HERPUD1: variants seen among roughly 807,000 people sequenced by gnomAD.
HERPUD1 encodes homocysteine-responsive endoplasmic reticulum-resident ubiquitin-like domain member 1 protein.
HERPUD1 carries 17 observed loss-of-function variants against 45.0 expected under a neutral mutation model. The observed-to-expected ratio is 0.38, with a 90% CI of 0.26 to 0.57. The LOEUF (loss-of-function observed/expected upper bound fraction) is 0.57, where lower values mean the gene tolerates loss of function less well. Ranked by LOEUF, HERPUD1 falls within the 20% of genes least tolerant of loss-of-function variation. The probability of loss-of-function intolerance (pLI) is 0.72; values close to 1 mark genes in which losing one functional copy is unlikely to be tolerated. For missense variants in HERPUD1, 420 were observed against 490.5 expected (o/e 0.86, Z 1.36); for synonymous variants, 164 against 177.5 (o/e 0.92, Z 0.61).
intron 1 of HERPUD1, 80 bp downstream of exon 1, chr16:56,932,471 C>T (rs2055833777): frequency 7.9e-7 from 1 of 1,258,590 alleles, no homozygotes. Flanking sequence ...GCTGCCCTGT[C>T]CTGTGGCCTC....
At chr16:56,933,161 G>C (rs1421356560) in intron 1 of HERPUD1, 1 of 423,336 alleles carries the variant, frequency 2.4e-6, no homozygotes, top group Non-Finnish European at 4.7e-6. Flanking sequence ...CTGATATTAT[G>C]TAAGTGTCAG....
rs771100509 is a variant in HERPUD1, at chr16:56,935,317, A to C, written c.225+5A>C. On this transcript the variant is annotated splice_donor_5th_base_variant and intron_variant, in intron 2 of 7. Coordinates refer to ENST00000439977, the MANE Select transcript of HERPUD1 (RefSeq NM_014685.4). ...CTCAGGGACTTGCTTCCAAAGGTACATCACTTACACATTAACTTCTGAATG... is the reference window on the plus strand; with the variant it reads ...CTCAGGGACTTGCTTCCAAAGGTACCTCACTTACACATTAACTTCTGAATG... 6.2e-7 allele frequency: 1 copy of C among 1,613,292 alleles called. No homozygotes were observed. The highest frequency in any genetic ancestry group is 1.7e-5 in the Admixed American group (1 of 60,024).
intron 3 of HERPUD1, chr16:56,935,717 G>A: frequency 1.9e-6 from 1 of 516,572 alleles, no homozygotes; most frequent in Admixed American, 3.3e-5. Context: ...TATCTTATGG[G>A]ATATGATTTG....
chr16:56,942,342 T>A, intron 7 of HERPUD1, 105 bp downstream of exon 7: 1 of 684,342 alleles, frequency 1.5e-6, no homozygotes, highest in Non-Finnish European at 2.6e-6. Context: ...TTTATTGGGC[T>A]AAATATTTCA....
intron 6 of HERPUD1, chr16:56,940,923 A>T (rs1229744738): frequency 6.6e-6 from 1 of 151,920 alleles, no homozygotes; most frequent in Non-Finnish European, 1.5e-5. Context: ...GCACCACTGC[A>T]CTCCAGCCTG....
chr16:56,932,219 G>A lies in HERPUD1; in HGVS notation c.-26G>A, dbSNP rs777777556. 2.7e-5 allele frequency: 44 copies of A among 1,601,602 alleles called. No homozygotes were observed. The highest frequency in any genetic ancestry group is 5.9e-6 in the Non-Finnish European group (7 of 1,178,106). On this transcript the variant is annotated 5_prime_UTR_variant, in exon 1 of 8. Coordinates refer to ENST00000439977, the MANE Select transcript of HERPUD1 (RefSeq NM_014685.4). ...CCTGCCTGGCACCTAGGAGCGCAGC[G>A]GAGCCCCGACACCGCCGCCGCCGCC...
chr16:56,942,856 T>C (rs534624696), intron 7 of HERPUD1, among the ~76,000 whole-genome samples: 43 of 152,110 alleles, frequency 2.8e-4, no homozygotes, highest in African/African-American at 8.7e-4. Context: ...AAAATAATAA[T>C]AATAGTTGCA....
chr16:56,942,578 G>A (rs2055918987), intron 7 of HERPUD1, among the ~76,000 whole-genome samples: 1 of 152,156 alleles, frequency 6.6e-6, no homozygotes, highest in Admixed American at 6.5e-5. Context: ...TTGAAGCCTG[G>A]GCGTGGTGGC....
intron 1 of HERPUD1, chr16:56,933,149 C>A: frequency 2.5e-6 from 1 of 407,998 alleles, no homozygotes; most frequent in South Asian, 1.8e-5. Flanking sequence ...TTACTTTCTG[C>A]TCTGATATTA....
At position 56,940,341 on chromosome 16, in the gene HERPUD1, T is replaced by G. The variant is rs538841412; in HGVS notation, c.905+96T>G. 42 of 834,874 alleles carry G rather than the reference T, an allele frequency of 5.0e-5. No homozygotes were observed. In the East Asian group the frequency reaches 9.0e-4, roughly 18 times the overall value. 51.7% of individuals were successfully genotyped at this position (834,874 alleles called of 1,614,324 possible). On this transcript the variant is annotated intron_variant, in intron 6 of 7. Coordinates refer to ENST00000439977, the MANE Select transcript of HERPUD1 (RefSeq NM_014685.4). ...GTTTCTTGTTTTTTTTGAGATGGAG[T>G]CTCGCTCTGTCATTCAGGCTGGAGT...
At chr16:56,934,702 CTTT>C (rs869088050) in intron 1 of HERPUD1, among the ~76,000 whole-genome samples, 91 of 59,886 alleles carry the variant, frequency 1.5e-3, no homozygotes, top group African/African-American at 5.7e-3. Context: ...ATTTGCCATT[CTTT>C]TTTTTTTTTT....
At chr16:56,942,316 G>A in intron 7 of HERPUD1, 79 bp downstream of exon 7, 6 of 893,716 alleles carry the variant, frequency 6.7e-6, no homozygotes, top group Non-Finnish European at 1.1e-5. Context: ...TAGATTGCCA[G>A]CTTGCGGTTT....
intron 1 of HERPUD1, among the ~76,000 whole-genome samples, chr16:56,934,702 C>CTTTTTTTT (rs869088050): frequency 0.023 from 1,366 of 59,904 alleles, 247 homozygotes; most frequent in Middle Eastern, 0.05. Flanking sequence ...ATTTGCCATT[C>CTTTTTTTT]TTTTTTTTTT....
chr16:56,943,695 C>T lies in HERPUD1; in HGVS notation c.*405C>T. On this transcript the variant is annotated 3_prime_UTR_variant, in exon 8 of 8. Transcript: ENST00000439977. ...TTCCTGTTGGAATGTTTAAATTACA[C>T]TAAGTGTACTACTTTATATAATCAA... 2.8e-6 allele frequency: 1 copy of T among 355,360 alleles called. No homozygotes were observed. The highest frequency in any genetic ancestry group is 5.3e-6 in the Non-Finnish European group (1 of 187,412). The allele number at this position is 355,360 out of a possible 1,614,324, so 22.0% of individuals were successfully genotyped here.
At chr16:56,935,050 C>G (rs2055855335) in intron 1 of HERPUD1, 185 bp from the exon 2 acceptor site, 9 of 576,890 alleles carry the variant, frequency 1.6e-5, no homozygotes, top group Non-Finnish European at 2.5e-5. Flanking sequence ...GTGTTAGAGA[C>G]CAGTTAAAGT....
chr16:56,932,379 C>A lies in HERPUD1; in HGVS notation c.135C>A (p.Tyr45Ter), dbSNP rs576488332. 1 of 1,587,756 alleles carries A rather than the reference C, an allele frequency of 6.3e-7. No homozygotes were observed. The highest frequency in any genetic ancestry group is 8.5e-7 in the Non-Finnish European group (1 of 1,171,034). Residue 45 changes from tyrosine (Y) to a stop codon, truncating the protein, a stop_gained, in exon 1 of 8, where the codon TAC becomes TAA. Transcript: ENST00000439977. LOFTEE classifies it high-confidence loss of function. ...GHLKAHLSRV[Y>*]PERPRPEDQR... ...TCAAGGCCCACCTGAGCCGCGTCTA[C>A]CCCGAGCGTCCGGTGAGAGCGGCCC...
chr16:56,942,924 C>T (rs571468949), intron 7 of HERPUD1, among the ~76,000 whole-genome samples: 1 of 152,156 alleles, frequency 6.6e-6, no homozygotes, highest in Admixed American at 6.5e-5. Flanking sequence ...ATGACAACAT[C>T]AACACAGTTG....
At chr16:56,941,690 G>A (rs1567461831) in intron 6 of HERPUD1, 2 of 152,234 alleles carry the variant, frequency 1.3e-5, no homozygotes, top group Non-Finnish European at 2.9e-5. Flanking sequence ...TAAGACTTGG[G>A]ATTTAATTGG....
chr16:56,933,187 C>A, intron 1 of HERPUD1: 1 of 447,852 alleles, frequency 2.2e-6, no homozygotes, highest in African/African-American at 2.0e-5. Context: ...TTCTTCACTG[C>A]CCACGAGCAT....
Sources: gnomAD v4.1 joint callset for allele counts (sites outside exome capture counted in the v4.1 genomes callset) on GRCh38, gnomAD v4.1.1 for gene constraint, MANE v1.5 for transcripts, NCBI Gene and HGNC (gene_info 2026-07-23, HGNC 2026-07-21) for gene names.